GLYATL1: variants seen among roughly 807,000 people sequenced by gnomAD.
The protein encoded by GLYATL1 is glycine-N-acyltransferase like 1, also known as glycine N-acyltransferase-like protein 1.
A neutral mutation model predicts 20.0 loss-of-function variants in GLYATL1; 15 were observed. The ratio of observed to expected loss-of-function variants is 0.75; its 90% CI spans 0.50 to 1.15. GLYATL1 has a LOEUF of 1.15. GLYATL1 is among the 50% of genes most tolerant of loss of function. The probability of loss-of-function intolerance (pLI) is 0.00; values close to 1 mark genes in which losing one functional copy is unlikely to be tolerated. For missense variants in GLYATL1, 380 were observed against 368.5 expected (o/e 1.03, Z -0.26); for synonymous variants, 151 against 131.5 (o/e 1.15, Z -1.01).
Position 58,920,170 on chromosome 11 carries a change from C to T in GLYATL1, n.264+14509C>T, listed in dbSNP as rs565930960. On this transcript the variant is annotated intron_variant and non_coding_transcript_variant, in intron 1 of 2. Transcript: ENST00000534674. ...TCTAGTGTTCCTGATTTTTGGTGCC[C>T]TTTGTAGTGCAATACTGCCACCTGT... Among the ~76,000 whole-genome samples, 250 of 152,148 alleles carry T rather than the reference C, an allele frequency of 1.6e-3. 1 individual carries two copies. Among genetic ancestry groups the T allele is most frequent in the Middle Eastern group, 3.4e-3 (1 of 294 alleles).
At chr11:58,910,206 C>T (rs749406878), downstream of GLYATL1, among the ~76,000 whole-genome samples, 1 of 152,160 alleles carries the variant, frequency 6.6e-6, no homozygotes, top group African/African-American at 2.4e-5. Context: ...TGGAAAATAG[C>T]TGCAGTATCT....
upstream of GLYATL1, among the ~76,000 whole-genome samples, chr11:58,924,392 A>AT (rs1286855508): frequency 6.6e-6 from 1 of 152,132 alleles, no homozygotes; most frequent in African/African-American, 2.4e-5. Flanking sequence ...TGTCCCTAGT[A>AT]TTTACCCTAT....
At chr11:58,947,789 C>T in intron 3 of GLYATL1, 69 bp from the exon 4 acceptor site, 2 of 1,052,260 alleles carry the variant, frequency 1.9e-6, no homozygotes, top group East Asian at 2.4e-5. Flanking sequence ...TTTTTCTCTT[C>T]CTCTTCACAA....
chr11:58,937,772 TC>T (rs201742960), upstream of GLYATL1, among the ~76,000 whole-genome samples: 169 of 152,338 alleles, frequency 1.1e-3, 1 homozygote, highest in East Asian at 0.03. Flanking sequence ...CCAACAGCTA[TC>T]AGATGTCTTC....
At chr11:58,907,775 G>T (rs1030055546) in exon 2 of GLYATL1, 28 of 188,352 alleles carry the variant, frequency 1.5e-4, no homozygotes, top group African/African-American at 6.4e-4. Context: ...GTTCCAGTAC[G>T]TTGTTATTTT....
chr11:58,930,539 G>A (rs1001741497), intron 1 of GLYATL1, among the ~76,000 whole-genome samples: 10 of 152,118 alleles, frequency 6.6e-5, no homozygotes, highest in African/African-American at 1.9e-4. Flanking sequence ...AGTAGTAAAC[G>A]GGCTAGGTTT....
upstream of GLYATL1, among the ~76,000 whole-genome samples, chr11:58,938,555 G>C (rs1855940974): frequency 6.6e-6 from 1 of 152,212 alleles, no homozygotes; most frequent in East Asian, 1.9e-4. Context: ...CTAATACTGA[G>C]TACAATGGGA....
intron 1 of GLYATL1, among the ~76,000 whole-genome samples, chr11:58,922,163 GC>G (rs1350448345): frequency 1.3e-5 from 2 of 152,348 alleles, no homozygotes; most frequent in Admixed American, 1.3e-4. Context: ...CATCAACTGT[GC>G]CTGCAGGTGC....
chr11:58,929,048 T>C (rs1368784075), intron 1 of GLYATL1, among the ~76,000 whole-genome samples: 1 of 152,228 alleles, frequency 6.6e-6, no homozygotes, highest in African/African-American at 2.4e-5. Context: ...TTTCAACCTT[T>C]CAAAAAGGTT....
At chr11:58,923,529 G>A (rs1359097899), upstream of GLYATL1, among the ~76,000 whole-genome samples, 1 of 152,144 alleles carries the variant, frequency 6.6e-6, no homozygotes, top group Non-Finnish European at 1.5e-5. Flanking sequence ...GGAATTGGTG[G>A]CATGATTTGC....
intron 4 of GLYATL1, among the ~76,000 whole-genome samples, chr11:58,953,395 T>TC (rs1857144577): frequency 6.6e-6 from 1 of 151,338 alleles, no homozygotes; most frequent in East Asian, 1.9e-4. Flanking sequence ...AGTCTGTTTT[T>TC]TTTTTTTTTT....
At chr11:58,917,817 G>A (rs548004194) in intron 1 of GLYATL1, among the ~76,000 whole-genome samples, 368 of 152,288 alleles carry the variant, frequency 2.4e-3, no homozygotes, top group African/African-American at 8.3e-3. Context: ...AGGGAATGCT[G>A]GAAGTCTCCA....
intron 1 of GLYATL1, among the ~76,000 whole-genome samples, chr11:58,920,005 C>T (rs1412892171): frequency 6.6e-6 from 1 of 152,190 alleles, no homozygotes; most frequent in Non-Finnish European, 1.5e-5. Flanking sequence ...AAACCAGGCC[C>T]TTTCATTTGA....
chr11:58,942,841 G>C (rs984649660), intron 1 of GLYATL1, among the ~76,000 whole-genome samples: 6 of 151,992 alleles, frequency 3.9e-5, no homozygotes, highest in Non-Finnish European at 7.4e-5. Context: ...AGGAAAGAAG[G>C]GTCCACAGAG....
chr11:58,932,061 G>A (rs975133905), intron 1 of GLYATL1, among the ~76,000 whole-genome samples: 1 of 118,158 alleles, frequency 8.5e-6, no homozygotes, highest in African/African-American at 3.3e-5. Context: ...GCAGTGAACC[G>A]AGATCACACC....
At chr11:58,910,724 T>C (rs1462478971), downstream of GLYATL1, among the ~76,000 whole-genome samples, 2 of 152,166 alleles carry the variant, frequency 1.3e-5, no homozygotes, top group Admixed American at 6.5e-5. Context: ...AAAACGATGA[T>C]AGAAATGAGC....
At chr11:58,948,446 C>A (rs927190952) in intron 4 of GLYATL1, among the ~76,000 whole-genome samples, 10 of 152,254 alleles carry the variant, frequency 6.6e-5, no homozygotes, top group African/African-American at 2.4e-4. Context: ...TGAGACCAGC[C>A]TGTACAACAT....
intron 1 of GLYATL1, among the ~76,000 whole-genome samples, chr11:58,931,501 C>T (rs1247676984): frequency 6.6e-6 from 1 of 152,174 alleles, no homozygotes; most frequent in African/African-American, 2.4e-5. Context: ...ATTCAGTCAG[C>T]ATCACTGGAG....
At chr11:58,925,222 T>C (rs943557791), upstream of GLYATL1, among the ~76,000 whole-genome samples, 1 of 152,228 alleles carries the variant, frequency 6.6e-6, no homozygotes, top group Non-Finnish European at 1.5e-5. Flanking sequence ...AAACTTGTGC[T>C]TCATTTTAAT....
Sources: allele counts gnomAD v4.1 joint callset (sites outside exome capture counted in the v4.1 genomes callset), GRCh38; gene constraint gnomAD v4.1.1; transcripts MANE v1.5; gene names NCBI Gene and HGNC (gene_info 2026-07-23, HGNC 2026-07-21).